Variants in RALGPS1 observed in about 807,000 individuals in gnomAD.
RALGPS1 encodes Ral GEF with PH domain and SH3 binding motif 1.
In RALGPS1, 19 loss-of-function variants were observed where a neutral mutation model predicts 78.8. That is an observed-to-expected ratio of 0.24 (90% confidence interval 0.17 to 0.35). The LOEUF is 0.35. Among genes scored for constraint, RALGPS1 ranks in the 10% least tolerant of loss-of-function variants. The pLI is 1.00. For missense variants in RALGPS1, 454 were observed against 688.3 expected (o/e 0.66, Z 3.81); for synonymous variants, 228 against 256.3 (o/e 0.89, Z 1.06).
chr9:126,965,821 C>T (rs1408215937), intron 2 of RALGPS1, 23 bp from the exon 3 acceptor site: 1 of 1,586,880 alleles, frequency 6.3e-7, no homozygotes, highest in South Asian at 1.1e-5. Context: ...TCAGTTGGCA[C>T]CATCTTTCCC....
chr9:126,968,409 C>T (rs901595309), intron 3 of RALGPS1, among the ~76,000 whole-genome samples: 5 of 152,120 alleles, frequency 3.3e-5, no homozygotes, highest in Admixed American at 6.5e-5. Flanking sequence ...ATTATATAGC[C>T]AGGTATTGGC....
intron 4 of RALGPS1, among the ~76,000 whole-genome samples, chr9:127,005,950 C>A (rs1336385490): frequency 6.6e-6 from 1 of 152,208 alleles, no homozygotes; most frequent in Non-Finnish European, 1.5e-5. Flanking sequence ...GCTTAGTCTT[C>A]AGCAGCAGAA....
chr9:127,193,592 A>G (rs1245685642), intron 11 of RALGPS1, among the ~76,000 whole-genome samples: 2 of 152,106 alleles, frequency 1.3e-5, no homozygotes, highest in Admixed American at 6.6e-5. Flanking sequence ...GCCTTCCCAC[A>G]GTATACGGGC....
At chr9:127,066,474 C>T (rs1006204018) in intron 7 of RALGPS1, among the ~76,000 whole-genome samples, 1 of 152,174 alleles carries the variant, frequency 6.6e-6, no homozygotes, top group Non-Finnish European at 1.5e-5. Context: ...AACCCCGTCT[C>T]TACTAGAAAT....
intron 5 of RALGPS1, among the ~76,000 whole-genome samples, chr9:127,046,849 A>T (rs1243305262): frequency 6.6e-6 from 1 of 152,170 alleles, no homozygotes; most frequent in Non-Finnish European, 1.5e-5. Flanking sequence ...AAGGCAAATA[A>T]TACAAATGAC....
chr9:126,953,394 CGT>C (rs895339906), intron 1 of RALGPS1, among the ~76,000 whole-genome samples: 23 of 151,558 alleles, frequency 1.5e-4, no homozygotes, highest in African/African-American at 5.3e-4. Flanking sequence ...TGTGTGTGCG[CGT>C]GTGTGTATGT....
intron 4 of RALGPS1, among the ~76,000 whole-genome samples, chr9:127,009,020 C>T (rs1451685229): frequency 1.3e-5 from 2 of 152,198 alleles, no homozygotes; most frequent in Non-Finnish European, 2.9e-5. Context: ...AAAATCCACG[C>T]AAGATCCTAG....
At chr9:127,093,607 G>A in intron 8 of RALGPS1, 1 of 1,177,028 alleles carries the variant, frequency 8.5e-7, no homozygotes, top group Non-Finnish European at 1.2e-6. Flanking sequence ...GTGTTGTTGG[G>A]GCCGCACAGG....
chr9:127,062,954 T>A (rs2049351512), intron 7 of RALGPS1, among the ~76,000 whole-genome samples: 1 of 152,210 alleles, frequency 6.6e-6, no homozygotes, highest in African/African-American at 2.4e-5. Flanking sequence ...GTCTGCTGAA[T>A]CCATTGGTCC....
At chr9:127,035,018 A>G (rs1173920155) in intron 5 of RALGPS1, among the ~76,000 whole-genome samples, 1 of 152,128 alleles carries the variant, frequency 6.6e-6, no homozygotes, top group Non-Finnish European at 1.5e-5. Flanking sequence ...GTGTGAGGTC[A>G]CATATCCCCA....
At chr9:127,172,682 T>G (rs2059627017) in intron 10 of RALGPS1, among the ~76,000 whole-genome samples, 1 of 152,240 alleles carries the variant, frequency 6.6e-6, no homozygotes, top group Non-Finnish European at 1.5e-5. Context: ...CTCTCTTATT[T>G]CAGTCCTGGA....
chr9:126,958,326 T>C (rs1463850129), intron 1 of RALGPS1, among the ~76,000 whole-genome samples: 1 of 151,994 alleles, frequency 6.6e-6, no homozygotes, highest in African/African-American at 2.4e-5. Flanking sequence ...TCTAATGGTA[T>C]AATTGTATGA....
At chr9:127,021,354 T>G (rs2045422510) in intron 4 of RALGPS1, among the ~76,000 whole-genome samples, 1 of 151,874 alleles carries the variant, frequency 6.6e-6, no homozygotes, top group African/African-American at 2.4e-5. Context: ...ATACAAAAAC[T>G]TAGCCGGGCA....
chr9:126,953,656 A>C (rs74613244), intron 1 of RALGPS1, among the ~76,000 whole-genome samples: 1 of 152,214 alleles, frequency 6.6e-6, no homozygotes, highest in Non-Finnish European at 1.5e-5. Context: ...CTGACACCAC[A>C]TAAGTGTCTG....
intron 1 of RALGPS1, among the ~76,000 whole-genome samples, chr9:126,918,921 C>T (rs975243000): frequency 2.0e-5 from 3 of 152,072 alleles, no homozygotes; most frequent in African/African-American, 7.2e-5. Flanking sequence ...CCGCCTGCCT[C>T]GGCCTCCCAA....
chr9:126,992,213 A>G (rs1012090156), intron 4 of RALGPS1, among the ~76,000 whole-genome samples: 5 of 152,176 alleles, frequency 3.3e-5, no homozygotes, highest in African/African-American at 1.2e-4. Context: ...TAATATGACT[A>G]CCTCAAAAGA....
intron 18 of RALGPS1, among the ~76,000 whole-genome samples, chr9:127,216,504 A>G (rs1164527859): frequency 1.3e-5 from 2 of 152,240 alleles, no homozygotes; most frequent in East Asian, 3.8e-4. Context: ...GGGGGACCCT[A>G]TTGTGTGACA....
intron 4 of RALGPS1, among the ~76,000 whole-genome samples, chr9:126,992,888 A>G (rs1335306083): frequency 1.3e-5 from 2 of 152,234 alleles, no homozygotes; most frequent in African/African-American, 4.8e-5. Flanking sequence ...TGCATGGGCT[A>G]CAGCCTCTAG....
At chr9:126,997,792 A>C (rs898405450) in intron 4 of RALGPS1, among the ~76,000 whole-genome samples, 12 of 152,330 alleles carry the variant, frequency 7.9e-5, no homozygotes, top group South Asian at 2.1e-4. Context: ...ACAGTACCCA[A>C]AACAGCATGG....
Sources: allele counts gnomAD v4.1 joint callset (sites outside exome capture counted in the v4.1 genomes callset), GRCh38; gene constraint gnomAD v4.1.1; transcripts MANE v1.5; gene names NCBI Gene and HGNC (gene_info 2026-07-23, HGNC 2026-07-21).